The following DOK7 variants were observed in gnomAD, a reference collection of about 807,000 sequenced individuals.
DOK7 encodes protein Dok-7.
A neutral mutation model predicts 30.7 loss-of-function variants in DOK7; 32 were observed. The observed-to-expected ratio is 1.04, with a 90% CI of 0.79 to 1.40. The LOEUF (loss-of-function observed/expected upper bound fraction) is 1.40, where lower values mean the gene tolerates loss of function less well. DOK7 is among the 40% of genes most tolerant of loss of function. DOK7 has a pLI of 0.00. For missense variants in DOK7, 1,007 were observed against 699.2 expected, an observed-to-expected ratio of 1.44 and a Z score of -4.97; for synonymous variants, 447 against 324.1, an observed-to-expected ratio of 1.38 and a Z score of -4.07.
Position 3,493,746 on chromosome 4 carries a change from A to C in DOK7, c.*245A>C, listed in dbSNP as rs148915522. On this transcript the variant is annotated 3_prime_UTR_variant, in exon 7 of 7. Coordinates refer to ENST00000340083, the MANE Select transcript of DOK7 (RefSeq NM_173660.5). ...GCAGGTCGGGGTCACCAGAGCCCCA[A>C]TGCTCAGCTGCTTCACTCCGTGTCC... is the stretch of plus-strand genomic sequence containing the variant. 291 of 1,418,308 alleles carry C rather than the reference A, an allele frequency of 2.1e-4. 5 individuals carry two copies. The East Asian group carries it at 4.5e-3, about 22-fold the overall frequency. The allele number at this position is 1,418,308 out of a possible 1,614,324, so 87.9% of individuals were successfully genotyped here.
downstream of DOK7, chr4:3,496,867 G>A: frequency 1.2e-5 from 18 of 1,526,002 alleles, no homozygotes; most frequent in South Asian, 7.2e-5. Flanking sequence ...ATTCAGGTAG[G>A]CACCTGGAGC....
intron 2 of DOK7, among the ~76,000 whole-genome samples, chr4:3,465,782 C>A (rs115507242): frequency 9.8e-5 from 15 of 152,322 alleles, no homozygotes; most frequent in African/African-American, 3.6e-4. Context: ...TCCACCGCGT[C>A]CTCACTGCGG....
chr4:3,489,217 G>T (rs569035348), intron 5 of DOK7, among the ~76,000 whole-genome samples: 8 of 152,266 alleles, frequency 5.3e-5, no homozygotes, highest in Middle Eastern at 3.4e-3. Flanking sequence ...GGAACGGTGG[G>T]GACACTGCAA....
chr4:3,486,802 G>A (rs1936423881), intron 5 of DOK7, among the ~76,000 whole-genome samples: 2 of 152,226 alleles, frequency 1.3e-5, no homozygotes, highest in East Asian at 3.9e-4. Flanking sequence ...GGATGATGTG[G>A]TCGGTGTGTT....
chr4:3,471,338 T>C (rs150575328), intron 2 of DOK7, among the ~76,000 whole-genome samples: 13 of 152,356 alleles, frequency 8.5e-5, no homozygotes, highest in Non-Finnish European at 1.6e-4. Flanking sequence ...CCCAAGGCCA[T>C]ACAGCTGGGA....
At chr4:3,483,559 C>G (rs905840571) in intron 4 of DOK7, among the ~76,000 whole-genome samples, 9 of 152,194 alleles carry the variant, frequency 5.9e-5, no homozygotes, top group Admixed American at 2.6e-4. Context: ...GGGCTGTGCT[C>G]CAGGCCTTGC....
In DOK7 at chr4:3,494,088, G is replaced by T. The variant is rs1728745367; in HGVS notation, c.*587G>T. The T allele has an allele frequency of 2.0e-6, 2 of 986,486 alleles. No homozygotes were observed. Among genetic ancestry groups the T allele is most frequent in the Non-Finnish European group, 2.4e-6 (2 of 830,822 alleles). The allele number at this position is 986,486 out of a possible 1,614,324, so 61.1% of individuals were successfully genotyped here. On this transcript the variant is annotated 3_prime_UTR_variant, in exon 7 of 7. Coordinates refer to ENST00000340083, the MANE Select transcript of DOK7 (RefSeq NM_173660.5). Reference sequence around the variant, plus strand: ...GTGGCTTGCGGGGTCTCTGGGTTCTGGGCCCCACTGTTCCCCAGTGAAGCC... The same window carrying T: ...GTGGCTTGCGGGGTCTCTGGGTTCTTGGCCCCACTGTTCCCCAGTGAAGCC...
chr4:3,490,887 CATTA>C (rs796554572), intron 6 of DOK7, among the ~76,000 whole-genome samples: 37 of 115,776 alleles, frequency 3.2e-4, no homozygotes, highest in African/African-American at 1.2e-3. Flanking sequence ...CCCTCCTGCT[CATTA>C]ATTTCTTCCT....
At chr4:3,496,402 A>C (rs1728915194), downstream of DOK7, among the ~76,000 whole-genome samples, 1 of 152,244 alleles carries the variant, frequency 6.6e-6, no homozygotes, top group Non-Finnish European at 1.5e-5. Flanking sequence ...AGGAAATCAC[A>C]GGCACCCTCG....
chr4:3,497,886 A>G (rs1729000799), downstream of DOK7, among the ~76,000 whole-genome samples: 2 of 152,136 alleles, frequency 1.3e-5, no homozygotes, highest in South Asian at 4.1e-4. Context: ...CCCTGCCCCA[A>G]GGGTCCTCCT....
In DOK7 at chr4:3,492,867, C is replaced by A. The variant is rs151079259; in HGVS notation, c.881C>A (p.Thr294Lys). Residue 294 changes from threonine (T) to lysine (K), a missense_variant, in exon 7 of 7, where the codon ACG (threonine) becomes AAG (lysine). Physicochemically the swap from Thr to Lys is moderately conservative, Grantham distance 78. Transcript: ENST00000340083. ...GAGCAATCCTCGTCGTCAGCCAGCA[C>A]GTCACAGGAGGGGCCTAGACCAGCA... ...WPEQSSSSASTSQEGPRPAAA... is the reference protein window; with the variant it reads ...WPEQSSSSASKSQEGPRPAAA... The A allele has an allele frequency of 2.5e-6, 4 of 1,608,014 alleles. No homozygotes were observed. Among genetic ancestry groups the A allele is most frequent in the Non-Finnish European group, 2.5e-6 (3 of 1,178,360 alleles).
At chr4:3,488,760 C>CGG (rs899960334) in intron 5 of DOK7, among the ~76,000 whole-genome samples, 2 of 151,598 alleles carry the variant, frequency 1.3e-5, no homozygotes, top group African/African-American at 4.9e-5. Context: ...TGGAGCAGGA[C>CGG]GGGGTCGGTT....
At chr4:3,491,341 C>CTTCGCCTGCTTGT (rs1728415834) in intron 6 of DOK7, among the ~76,000 whole-genome samples, 1 of 72,276 alleles carries the variant, frequency 1.4e-5, no homozygotes, top group African/African-American at 4.3e-5. Context: ...TTCCTTCCTT[C>CTTCGCCTGCTTGT]TTCGCCTGCT....
At chr4:3,495,779 C>A (rs1728874188), downstream of DOK7, among the ~76,000 whole-genome samples, 1 of 149,698 alleles carries the variant, frequency 6.7e-6, no homozygotes, top group African/African-American at 2.4e-5. Context: ...ACCATCCACA[C>A]CTACCCGCCT....
chr4:3,487,288 C>T (rs1455724499), intron 5 of DOK7, among the ~76,000 whole-genome samples: 1 of 152,212 alleles, frequency 6.6e-6, no homozygotes, highest in African/African-American at 2.4e-5. Context: ...TGGGCCCAGC[C>T]CCCGCAGGCT....
At chr4:3,482,224 G>C (rs552556051) in intron 4 of DOK7, among the ~76,000 whole-genome samples, 2 of 152,158 alleles carry the variant, frequency 1.3e-5, no homozygotes, top group Non-Finnish European at 2.9e-5. Flanking sequence ...AGCGGCTGGC[G>C]GCTGTTCCCT....
In DOK7 at chr4:3,493,281, G is replaced by A. The variant is rs145419117; in HGVS notation, c.1295G>A (p.Arg432Lys). 3.9e-4 allele frequency: 634 copies of A among 1,610,348 alleles called. 1 individual carries two copies. In the African/African-American group the frequency reaches 7.4e-3, roughly 19 times the overall value. The change falls in exon 7 of 7, where the codon AGG becomes AAG. Residue 432 changes from arginine to lysine, a missense_variant. Coordinates refer to ENST00000340083, the MANE Select transcript of DOK7 (RefSeq NM_173660.5). ...SQGSPGNSAA[R>K]DSGGQTSAGC... ...GGCAGCCCCGGCAACAGTGCGGCCAGGGACTCAGGCGGCCAGACGTCCGCC... is the reference window on the plus strand; with the variant it reads ...GGCAGCCCCGGCAACAGTGCGGCCAAGGACTCAGGCGGCCAGACGTCCGCC...
chr4:3,497,712 C>G (rs550547862), downstream of DOK7, among the ~76,000 whole-genome samples: 1 of 152,012 alleles, frequency 6.6e-6, no homozygotes, highest in South Asian at 2.1e-4. Flanking sequence ...GGGGGAGGCG[C>G]CCAGGCAGGC....
chr4:3,468,704 ATG>A (rs149801755), intron 2 of DOK7, among the ~76,000 whole-genome samples: 27,261 of 126,992 alleles, frequency 0.21, 2,927 homozygotes, highest in African/African-American at 0.34. Flanking sequence ...ATGTCTGTGT[ATG>A]TGTGTGTATG....
Sources: gnomAD v4.1 joint callset for allele counts (sites outside exome capture counted in the v4.1 genomes callset) on GRCh38, gnomAD v4.1.1 for gene constraint, MANE v1.5 for transcripts, NCBI Gene and HGNC (gene_info 2026-07-23, HGNC 2026-07-21) for gene names.